Variants in SLC8A1 observed in about 807,000 individuals in gnomAD.
SLC8A1 encodes the protein solute carrier family 8 member A1.
In SLC8A1, 18 loss-of-function variants were observed where a neutral mutation model predicts 68.3. That is an observed-to-expected ratio of 0.26 (90% confidence interval 0.18 to 0.39). The LOEUF is 0.39. Ranked by LOEUF, SLC8A1 falls within the 10% of genes least tolerant of loss-of-function variation. The probability of loss-of-function intolerance (pLI) is 1.00; values close to 1 mark genes in which losing one functional copy is unlikely to be tolerated. For synonymous variants in SLC8A1, 475 were observed against 415.5 expected (o/e 1.14, Z -1.74); for missense variants, 985 against 1,156.7 (o/e 0.85, Z 2.15).
intron 1 of SLC8A1, among the ~76,000 whole-genome samples, chr2:40,447,544 C>A (rs1701666662): frequency 6.6e-6 from 1 of 150,554 alleles, no homozygotes; most frequent in African/African-American, 2.5e-5. Flanking sequence ...GTTCCAGGCC[C>A]CCAGGACTTT....
At chr2:40,461,186 C>A (rs1405664974) in intron 1 of SLC8A1, among the ~76,000 whole-genome samples, 2 of 152,088 alleles carry the variant, frequency 1.3e-5, no homozygotes, top group African/African-American at 4.8e-5. Context: ...AAAGTCGATA[C>A]TATTATAGGA....
exon 8 of SLC8A1, chr2:40,107,159 C>G (rs368892524): frequency 1.6e-4 from 24 of 151,368 alleles, no homozygotes; most frequent in African/African-American, 5.8e-4. Flanking sequence ...TCCTCTGCTC[C>G]CAGCACACCA....
intron 2 of SLC8A1, among the ~76,000 whole-genome samples, chr2:40,410,929 G>T (rs921009308): frequency 2.0e-5 from 3 of 152,024 alleles, no homozygotes. Context: ...CAGCAAATGG[G>T]ATTCAAAATG....
chr2:40,490,643 G>A (rs560621778), intron 1 of SLC8A1, among the ~76,000 whole-genome samples: 1 of 152,074 alleles, frequency 6.6e-6, no homozygotes, highest in Non-Finnish European at 1.5e-5. Flanking sequence ...GTGGGGATGG[G>A]TAGGAGTAGT....
At chr2:40,296,849 A>C (rs1237562863) in intron 2 of SLC8A1, among the ~76,000 whole-genome samples, 2 of 151,990 alleles carry the variant, frequency 1.3e-5, no homozygotes, top group Non-Finnish European at 2.9e-5. Flanking sequence ...CTATATTTTC[A>C]CCCAGGTAGT....
intron 2 of SLC8A1, among the ~76,000 whole-genome samples, chr2:40,337,492 A>G (rs1398711094): frequency 6.6e-6 from 1 of 151,950 alleles, no homozygotes; most frequent in Non-Finnish European, 1.5e-5. Flanking sequence ...ACAACAAACC[A>G]CTCACCTCCA....
chr2:40,164,789 A>T lies in SLC8A1; in HGVS notation c.2061+65T>A, dbSNP rs573842409. Reference sequence around the variant, plus strand: ...CCAGGTGGATCTTAAGCTTTGGCCAACCCTATGAACAGTTTCTGTCCCAAG... The same window carrying T: ...CCAGGTGGATCTTAAGCTTTGGCCATCCCTATGAACAGTTTCTGTCCCAAG... On this transcript the variant is annotated intron_variant, in intron 5 of 7. Transcript: ENST00000406785. 6 of 1,588,082 alleles carry T rather than the reference A, an allele frequency of 3.8e-6. 1 individual carries two copies. In the South Asian group the frequency reaches 6.8e-5, roughly 18 times the overall value.
At chr2:40,173,624 T>G (rs145717410) in intron 4 of SLC8A1, among the ~76,000 whole-genome samples, 235 of 152,344 alleles carry the variant, frequency 1.5e-3, no homozygotes, top group African/African-American at 5.3e-3. Context: ...TAACAGTGGA[T>G]TAAGTTCATC....
At chr2:40,251,024 G>A (rs2062665374) in intron 2 of SLC8A1, 1 of 152,140 alleles carries the variant, frequency 6.6e-6, no homozygotes, top group South Asian at 2.1e-4. Context: ...GAGAGTTAAA[G>A]AGTAGCAAGT....
chr2:40,364,237 T>G (rs185911388), intron 2 of SLC8A1, among the ~76,000 whole-genome samples: 264 of 152,186 alleles, frequency 1.7e-3, no homozygotes, highest in Admixed American at 2.9e-3. Context: ...GCTCAGTATA[T>G]GAATTAACTG....
At chr2:40,276,403 A>G (rs1247125322) in intron 2 of SLC8A1, among the ~76,000 whole-genome samples, 1 of 152,212 alleles carries the variant, frequency 6.6e-6, no homozygotes, top group African/African-American at 2.4e-5. Flanking sequence ...CTTAATGAGA[A>G]CAACAAGCAA....
chr2:40,365,888 A>T (rs1404117305), intron 2 of SLC8A1, among the ~76,000 whole-genome samples: 1 of 151,892 alleles, frequency 6.6e-6, no homozygotes, highest in Non-Finnish European at 1.5e-5. Context: ...AGTCCCAGCC[A>T]CTAGGGAGGC....
chr2:40,143,237 A>T (rs1201993314), intron 6 of SLC8A1, among the ~76,000 whole-genome samples: 1 of 152,158 alleles, frequency 6.6e-6, no homozygotes, highest in East Asian at 1.9e-4. Flanking sequence ...GGACAAAGAA[A>T]TATCATGTTC....
chr2:40,388,263 T>C (rs926693886), intron 2 of SLC8A1, among the ~76,000 whole-genome samples: 7 of 152,090 alleles, frequency 4.6e-5, no homozygotes, highest in African/African-American at 1.7e-4. Flanking sequence ...TAGAAACCAT[T>C]TGGAAATGTT....
chr2:40,275,441 A>C (rs1401342170), intron 2 of SLC8A1, among the ~76,000 whole-genome samples: 2 of 152,206 alleles, frequency 1.3e-5, no homozygotes, highest in Non-Finnish European at 2.9e-5. Context: ...TGCTCTACCT[A>C]TGAAGAACAA....
chr2:40,428,072 C>T (rs1253972913), intron 2 of SLC8A1, among the ~76,000 whole-genome samples: 2 of 152,090 alleles, frequency 1.3e-5, no homozygotes, highest in East Asian at 1.9e-4. Flanking sequence ...TACTCAGAAA[C>T]GAAGTTAGAG....
At chr2:40,365,881 C>T (rs1323406651) in intron 2 of SLC8A1, among the ~76,000 whole-genome samples, 1 of 151,776 alleles carries the variant, frequency 6.6e-6, no homozygotes, top group Non-Finnish European at 1.5e-5. Context: ...TGCCTGTAGT[C>T]CCAGCCACTA....
At chr2:40,127,044 T>C (rs1047184983) in intron 7 of SLC8A1, among the ~76,000 whole-genome samples, 1 of 152,218 alleles carries the variant, frequency 6.6e-6, no homozygotes, top group Non-Finnish European at 1.5e-5. Flanking sequence ...TTAATGACTT[T>C]ATGAATGGTG....
chr2:40,124,775 T>C (rs908701404), intron 7 of SLC8A1, among the ~76,000 whole-genome samples: 6 of 152,172 alleles, frequency 3.9e-5, no homozygotes, highest in Middle Eastern at 3.4e-3. Flanking sequence ...AAAAAATAAA[T>C]TGCAACTTCA....
Sources: allele counts gnomAD v4.1 joint callset (sites outside exome capture counted in the v4.1 genomes callset), GRCh38; gene constraint gnomAD v4.1.1; transcripts MANE v1.5; gene names NCBI Gene and HGNC (gene_info 2026-07-23, HGNC 2026-07-21).